PIBF1: variants seen among roughly 807,000 people sequenced by gnomAD.
PIBF1 encodes progesterone immunomodulatory binding factor 1, also known as progesterone-induced-blocking factor 1.
Under a neutral mutation model 112.5 loss-of-function variants are expected in PIBF1, and 90 were observed. That is an observed-to-expected ratio of 0.80 (90% CI 0.67 to 0.95). The LOEUF (loss-of-function observed/expected upper bound fraction) is 0.95, where lower values mean the gene tolerates loss of function less well. Ranked by LOEUF, PIBF1 falls within the 40% of genes least tolerant of loss-of-function variation. PIBF1 has a pLI of 0.00. For synonymous variants in PIBF1, 301 were observed against 288.6 expected, an observed-to-expected ratio of 1.04 and a Z score of -0.44; for missense variants, 915 against 852.3, an observed-to-expected ratio of 1.07 and a Z score of -0.92.
intron 14 of PIBF1, among the ~76,000 whole-genome samples, chr13:72,954,608 T>G (rs1228695917): frequency 1.3e-5 from 2 of 152,232 alleles, no homozygotes; most frequent in African/African-American, 2.4e-5. Flanking sequence ...GCTCCCATAC[T>G]GAGTAGGGTT....
intron 9 of PIBF1, among the ~76,000 whole-genome samples, chr13:72,840,129 C>G (rs9318121): frequency 0.28 from 42,136 of 152,092 alleles, 6,911 homozygotes; most frequent in East Asian, 0.48. Context: ...TCATTTTAAT[C>G]TCACAGTAAT....
chr13:72,929,427 G>A (rs1374455843), intron 13 of PIBF1, among the ~76,000 whole-genome samples: 1 of 152,110 alleles, frequency 6.6e-6, no homozygotes, highest in Non-Finnish European at 1.5e-5. Flanking sequence ...TATAAAGAGA[G>A]AAAGATTAAT....
At chr13:72,789,800 G>A (rs912002979) in intron 2 of PIBF1, among the ~76,000 whole-genome samples, 2 of 151,812 alleles carry the variant, frequency 1.3e-5, no homozygotes, top group African/African-American at 2.4e-5. Flanking sequence ...AATCCAAAAG[G>A]GTCAACTGAG....
chr13:72,947,916 A>G (rs1349886623), intron 14 of PIBF1, among the ~76,000 whole-genome samples: 2 of 152,198 alleles, frequency 1.3e-5, no homozygotes, highest in African/African-American at 4.8e-5. Context: ...AAAAAAGTTC[A>G]TGTCCTTTGC....
rs950869530 is a variant in PIBF1, at chr13:72,796,654, T to G, written c.552+1097T>G. Among the ~76,000 whole-genome samples, 11 of 151,964 alleles carry G rather than the reference T, an allele frequency of 7.2e-5. No homozygotes were observed. In the South Asian group the frequency reaches 1.9e-3, roughly 26 times the overall value. On this transcript the variant is annotated intron_variant, in intron 4 of 17. Coordinates refer to ENST00000326291, the MANE Select transcript of PIBF1 (RefSeq NM_006346.4). ...AGTTACTTTTTTGTTCAGCTGTTTT[T>G]TTTTTTTTTTTAAAAGGCTCAAATA...
At chr13:72,994,803 C>T (rs762569491) in intron 16 of PIBF1, among the ~76,000 whole-genome samples, 1 of 152,106 alleles carries the variant, frequency 6.6e-6, no homozygotes, top group African/African-American at 2.4e-5. Context: ...GATTTCTCTT[C>T]GTAGTGACAA....
At chr13:72,970,419 G>T (rs556226323) in intron 15 of PIBF1, 1 of 152,236 alleles carries the variant, frequency 6.6e-6, no homozygotes, top group Non-Finnish European at 1.5e-5. Context: ...TTTGCCTGTT[G>T]TCAGTTCTCA....
At chr13:72,811,743 C>T (rs956171855) in intron 5 of PIBF1, among the ~76,000 whole-genome samples, 1 of 151,916 alleles carries the variant, frequency 6.6e-6, no homozygotes, top group African/African-American at 2.4e-5. Flanking sequence ...TACTAAAATC[C>T]CTCTCTTGCC....
At chr13:72,942,678 A>C (rs1257189400) in intron 14 of PIBF1, among the ~76,000 whole-genome samples, 1 of 152,176 alleles carries the variant, frequency 6.6e-6, no homozygotes, top group Non-Finnish European at 1.5e-5. Flanking sequence ...TTTGCCTTTC[A>C]AAATGTTTGT....
chr13:72,968,936 G>C (rs1021488977), intron 15 of PIBF1, among the ~76,000 whole-genome samples: 5 of 151,996 alleles, frequency 3.3e-5, no homozygotes, highest in African/African-American at 1.2e-4. Flanking sequence ...GGCTACTCAG[G>C]AGGCTGAGGT....
At chr13:72,927,215 T>A (rs1396902834) in intron 13 of PIBF1, among the ~76,000 whole-genome samples, 1 of 151,994 alleles carries the variant, frequency 6.6e-6, no homozygotes, top group African/African-American at 2.4e-5. Flanking sequence ...ATTAAAGATG[T>A]GTGCCACTGT....
At chr13:72,870,675 G>A (rs2039123427) in intron 10 of PIBF1, among the ~76,000 whole-genome samples, 1 of 151,950 alleles carries the variant, frequency 6.6e-6, no homozygotes, top group South Asian at 2.1e-4. Context: ...TCTGTTGTAG[G>A]CTGTGAATGT....
intron 10 of PIBF1, among the ~76,000 whole-genome samples, chr13:72,860,915 T>A (rs1196177938): frequency 1.3e-5 from 2 of 152,240 alleles, no homozygotes; most frequent in Non-Finnish European, 2.9e-5. Context: ...ACAGTTATTA[T>A]GTCGTATTCT....
intron 10 of PIBF1, among the ~76,000 whole-genome samples, chr13:72,872,461 C>T (rs940108359): frequency 4.6e-5 from 7 of 152,158 alleles, no homozygotes; most frequent in Non-Finnish European, 8.8e-5. Context: ...ATAAGGATCT[C>T]GAACCTGGGA....
intron 9 of PIBF1, among the ~76,000 whole-genome samples, chr13:72,846,187 C>T (rs1240451686): frequency 6.6e-6 from 1 of 152,114 alleles, no homozygotes; most frequent in Non-Finnish European, 1.5e-5. Flanking sequence ...CTGTTCCATT[C>T]TACCTCCCAA....
At chr13:72,884,058 A>C (rs753909468) in intron 10 of PIBF1, among the ~76,000 whole-genome samples, 1 of 152,214 alleles carries the variant, frequency 6.6e-6, no homozygotes, top group Non-Finnish European at 1.5e-5. Flanking sequence ...ATTATTACAC[A>C]TTGTATGCCT....
chr13:72,803,796 T>TG (rs2035598694), intron 5 of PIBF1, among the ~76,000 whole-genome samples: 1 of 152,166 alleles, frequency 6.6e-6, no homozygotes, highest in African/African-American at 2.4e-5. Context: ...TAAATGAGGC[T>TG]GGGGGAGGTT....
At chr13:72,964,968 A>G (rs1487337772) in intron 14 of PIBF1, among the ~76,000 whole-genome samples, 1 of 152,228 alleles carries the variant, frequency 6.6e-6, no homozygotes, top group Non-Finnish European at 1.5e-5. Context: ...AAGCTGAGGC[A>G]GGAGAATCAC....
At chr13:72,921,910 G>A (rs2041308525) in intron 13 of PIBF1, among the ~76,000 whole-genome samples, 1 of 152,114 alleles carries the variant, frequency 6.6e-6, no homozygotes. Flanking sequence ...CATTTAAGAC[G>A]ATATTGTTTT....
Sources: allele counts gnomAD v4.1 joint callset (sites outside exome capture counted in the v4.1 genomes callset), GRCh38; gene constraint gnomAD v4.1.1; transcripts MANE v1.5; gene names NCBI Gene and HGNC (gene_info 2026-07-23, HGNC 2026-07-21).